Variants in RANBP3 observed in about 807,000 individuals in gnomAD.
RANBP3 encodes ran-binding protein 3.
A neutral mutation model predicts 77.3 loss-of-function variants in RANBP3; 14 were observed. That is an observed-to-expected ratio of 0.18 (90% CI 0.12 to 0.28). The LOEUF is 0.28. RANBP3 is among the 10% of genes least tolerant of loss of function. The probability of loss-of-function intolerance (pLI) is 1.00; values close to 1 mark genes in which losing one functional copy is unlikely to be tolerated. For synonymous variants in RANBP3, 315 were observed against 312.4 expected, an observed-to-expected ratio of 1.01 and a Z score of -0.09; for missense variants, 586 against 752.3, an observed-to-expected ratio of 0.78 and a Z score of 2.59.
intron 13 of RANBP3, among the ~76,000 whole-genome samples, 177 bp downstream of exon 13, chr19:5,923,017 T>A (rs1291648052): frequency 6.6e-6 from 1 of 152,224 alleles, no homozygotes; most frequent in Non-Finnish European, 1.5e-5. Context: ...AAGAAGCCCC[T>A]GAGCCTAAGC....
chr19:5,977,968 C>T, intron 1 of RANBP3, 93 bp downstream of exon 1: 2 of 1,531,492 alleles, frequency 1.3e-6, no homozygotes, highest in Non-Finnish European at 1.8e-6. Flanking sequence ...AACCCTTGCA[C>T]TCTGCGGTGC....
chr19:5,975,163 A>G (rs2058575359), intron 1 of RANBP3, among the ~76,000 whole-genome samples: 1 of 152,236 alleles, frequency 6.6e-6, no homozygotes, highest in African/African-American at 2.4e-5. Context: ...AAAACCAGAA[A>G]TGGAGTGTTC....
At chr19:5,946,693 G>T (rs899625995) in intron 3 of RANBP3, among the ~76,000 whole-genome samples, 1 of 152,190 alleles carries the variant, frequency 6.6e-6, no homozygotes, top group Admixed American at 6.5e-5. Context: ...CCTGCACCTT[G>T]CTGGGATGGA....
chr19:5,972,950 T>C (rs915415920), intron 1 of RANBP3, among the ~76,000 whole-genome samples: 1 of 152,106 alleles, frequency 6.6e-6, no homozygotes, highest in Non-Finnish European at 1.5e-5. Flanking sequence ...TTTGAAACAT[T>C]TTGCAGAAGC....
chr19:5,921,613 C>T lies in RANBP3; in HGVS notation c.1210-292G>A, dbSNP rs1204528052. Among the ~76,000 whole-genome samples, 1 of 152,284 alleles carries T rather than the reference C, an allele frequency of 6.6e-6. No homozygotes were observed. Among genetic ancestry groups the T allele is most frequent in the African/African-American group, 2.4e-5 (1 of 41,480 alleles). The stretch of plus-strand genomic sequence containing the variant: ...CCATGTGGGGAAGCTGGAACCCTCA[C>T]ACACTGCTGGCGGGAAGGCCGCATG... On this transcript the variant is annotated intron_variant, in intron 13 of 16. Coordinates refer to ENST00000340578, the MANE Select transcript of RANBP3 (RefSeq NM_007322.3). The surrounding 1 kb of genome is among the most constrained non-coding windows in gnomAD (Gnocchi z 5.3).
At chr19:5,920,069 A>T (rs2057798020) in intron 14 of RANBP3, among the ~76,000 whole-genome samples, 1 of 152,140 alleles carries the variant, frequency 6.6e-6, no homozygotes, top group Admixed American at 6.5e-5. Flanking sequence ...ATATTTATGA[A>T]AAGGCCAGAA....
chr19:5,955,101 A>G (rs1412004975), intron 2 of RANBP3, among the ~76,000 whole-genome samples: 1 of 152,200 alleles, frequency 6.6e-6, no homozygotes, highest in Non-Finnish European at 1.5e-5. Context: ...TATTTTGATA[A>G]GAACTATACT....
intron 3 of RANBP3, among the ~76,000 whole-genome samples, chr19:5,949,284 T>C (rs1003382185): frequency 3.3e-5 from 5 of 152,226 alleles, no homozygotes; most frequent in South Asian, 2.1e-4. Flanking sequence ...CAAGAAGCAG[T>C]TGGCATCGGG....
rs530843112 is a variant in RANBP3 at position 5,923,607 on chromosome 19, C to T, written c.1099+205G>A. ...TGCCTGCGCCTCCCCACCCTCCCCA[C>T]GGCCACAAGGCGACACAGGCCCTCG... On this transcript the variant is annotated intron_variant, in intron 12 of 16. Coordinates refer to ENST00000340578, the MANE Select transcript of RANBP3 (RefSeq NM_007322.3). Among the ~76,000 whole-genome samples the T allele has an allele frequency of 1.8e-3, 270 of 152,366 alleles. 1 individual carries two copies. The highest frequency in any genetic ancestry group is 6.1e-3 in the African/African-American group (254 of 41,592).
intron 3 of RANBP3, among the ~76,000 whole-genome samples, chr19:5,949,278 A>C (rs1324928021): frequency 1.3e-5 from 2 of 152,246 alleles, no homozygotes; most frequent in African/African-American, 4.8e-5. Flanking sequence ...TCAGGCCAAG[A>C]AGCAGTTGGC....
At chr19:5,931,822 C>T (rs998975345) in intron 7 of RANBP3, among the ~76,000 whole-genome samples, 2 of 152,102 alleles carry the variant, frequency 1.3e-5, no homozygotes, top group African/African-American at 4.8e-5. Flanking sequence ...TGCTTGGGGC[C>T]AGGAGTTTGA....
rs2057850199 is a variant in RANBP3, at chr19:5,923,214, C to T, written c.1189G>A (p.Ala397Thr). ...EKVEVITGEE[A>T]ESNVLQMQCK... Reference sequence around the variant, plus strand: ...CTCACCTGTAACACATTGCTCTCCGCCTCCTCCCCGGTGATGACTTCCACT... The same window carrying T: ...CTCACCTGTAACACATTGCTCTCCGTCTCCTCCCCGGTGATGACTTCCACT... The change falls in exon 13 of 17, where the codon GCG becomes ACG. Residue 397 changes from alanine (A) to threonine (T), a missense_variant. By Grantham distance (58) the Ala-to-Thr change is moderately conservative (BLOSUM62 0). Transcript: ENST00000340578. The T allele has an allele frequency of 6.2e-7, 1 of 1,614,214 alleles. No homozygotes were observed. Among genetic ancestry groups the T allele is most frequent in the Non-Finnish European group, 8.5e-7 (1 of 1,180,030 alleles).
chr19:5,918,164 G>A (rs2057768742), intron 15 of RANBP3, among the ~76,000 whole-genome samples, 184 bp from the exon 16 acceptor site: 1 of 152,210 alleles, frequency 6.6e-6, no homozygotes, highest in Non-Finnish European at 1.5e-5. Context: ...CAGGTGGCTG[G>A]GAATATCCCA....
At chr19:5,918,386 A>ACGGGGGGGGGGGGGGGGGGG in intron 15 of RANBP3, 110 bp downstream of exon 15, 1 of 617,696 alleles carries the variant, frequency 1.6e-6, no homozygotes, top group Non-Finnish European at 2.5e-6. Flanking sequence ...GAAGCAACTG[A>ACGGGGGGGGGGGGGGGGGGG]AGCCCCTCCC....
intron 5 of RANBP3, among the ~76,000 whole-genome samples, chr19:5,937,055 C>CAAAAAAA (rs1568458812): frequency 1.4e-4 from 1 of 7,168 alleles, no homozygotes; most frequent in Admixed American, 2.5e-3. Flanking sequence ...GACTCTGTCT[C>CAAAAAAA]CAAAAAAAAA....
At chr19:5,926,582 T>C (rs2057913023) in intron 9 of RANBP3, among the ~76,000 whole-genome samples, 1 of 152,052 alleles carries the variant, frequency 6.6e-6, no homozygotes, top group African/African-American at 2.4e-5. Flanking sequence ...TGGCTCAAGT[T>C]TGCCCTGGAA....
At chr19:5,935,328 G>A (rs1175576429) in intron 5 of RANBP3, among the ~76,000 whole-genome samples, 2 of 152,146 alleles carry the variant, frequency 1.3e-5, no homozygotes, top group Non-Finnish European at 2.9e-5. Context: ...TGCCTCTCCC[G>A]TAACAGACTG....
At chr19:5,929,163 A>G (rs562472647) in intron 8 of RANBP3, among the ~76,000 whole-genome samples, 111 of 152,322 alleles carry the variant, frequency 7.3e-4, no homozygotes, top group Non-Finnish European at 1.3e-3. Context: ...AGGAAGTGAA[A>G]AGTGTAAATG....
intron 1 of RANBP3, among the ~76,000 whole-genome samples, chr19:5,961,828 C>T (rs1309249432): frequency 1.3e-5 from 2 of 152,116 alleles, no homozygotes; most frequent in African/African-American, 2.4e-5. Context: ...TCCAGCCACT[C>T]ACCCTCCACC....
Sources: gnomAD v4.1 joint callset for allele counts (sites outside exome capture counted in the v4.1 genomes callset) on GRCh38, gnomAD v4.1.1 for gene constraint, Gnocchi (gnomAD v3.1) non-coding constraint, MANE v1.5 for transcripts, NCBI Gene and HGNC (gene_info 2026-07-23, HGNC 2026-07-21) for gene names.